The following LOXL2 variants were observed in gnomAD, a reference collection of about 807,000 sequenced individuals.
LOXL2 encodes lysyl oxidase homolog 2.
LOXL2 carries 70 observed loss-of-function variants against 93.0 expected under a neutral mutation model. The ratio of observed to expected loss-of-function variants is 0.75; its 90% CI spans 0.62 to 0.92. The LOEUF (loss-of-function observed/expected upper bound fraction) is 0.92. Ranked by LOEUF, LOXL2 falls within the 40% of genes least tolerant of loss-of-function variation. LOXL2 has a pLI of 0.00. For missense variants in LOXL2, 973 were observed against 1,054.9 expected (o/e 0.92, Z 1.08); for synonymous variants, 438 against 413.2 (o/e 1.06, Z -0.73).
intron 3 of LOXL2, among the ~76,000 whole-genome samples, chr8:23,348,933 C>A (rs1480307610): frequency 2.0e-5 from 3 of 152,202 alleles, no homozygotes; most frequent in African/African-American, 7.2e-5. Context: ...CAGATACAGA[C>A]CCATGTCCCA....
At chr8:23,313,091 A>T (rs1177560534) in intron 9 of LOXL2, among the ~76,000 whole-genome samples, 6 of 151,810 alleles carry the variant, frequency 4.0e-5, no homozygotes, top group Non-Finnish European at 8.8e-5. Context: ...TCCAACTTAC[A>T]AGGGATGTGA....
chr8:23,330,859 C>T (rs1452643167), intron 5 of LOXL2, among the ~76,000 whole-genome samples: 1 of 152,022 alleles, frequency 6.6e-6, no homozygotes, highest in African/African-American at 2.4e-5. Flanking sequence ...TGGCGCTGTC[C>T]AGGCGTGTCC....
At chr8:23,346,407 G>A (rs1022088006) in intron 3 of LOXL2, among the ~76,000 whole-genome samples, 22 of 152,054 alleles carry the variant, frequency 1.4e-4, no homozygotes, top group Non-Finnish European at 3.1e-4. Flanking sequence ...CACATCCTCT[G>A]GCAGGGCCTG....
At chr8:23,311,550 G>A (rs1199715275) in intron 9 of LOXL2, among the ~76,000 whole-genome samples, 1 of 152,192 alleles carries the variant, frequency 6.6e-6, no homozygotes, top group Non-Finnish European at 1.5e-5. Context: ...CTCGCAAGGC[G>A]AGGGATCGTT....
intron 3 of LOXL2, among the ~76,000 whole-genome samples, chr8:23,350,683 G>A (rs1804077361): frequency 6.6e-6 from 1 of 152,178 alleles, no homozygotes; most frequent in African/African-American, 2.4e-5. Context: ...GGCAATAGAG[G>A]CCAGTGGAGG....
chr8:23,318,412 C>T (rs1306479020), intron 8 of LOXL2, among the ~76,000 whole-genome samples: 1 of 141,438 alleles, frequency 7.1e-6, no homozygotes, highest in African/African-American at 2.6e-5. Context: ...TTCATACATC[C>T]TATTGGTTGA....
intron 1 of LOXL2, among the ~76,000 whole-genome samples, chr8:23,392,694 T>C (rs1251887428): frequency 6.6e-6 from 1 of 152,170 alleles, no homozygotes; most frequent in East Asian, 1.9e-4. Flanking sequence ...GCACATGTGG[T>C]TCCAACTGCT....
intron 2 of LOXL2, among the ~76,000 whole-genome samples, chr8:23,367,285 G>C (rs577156745): frequency 2.8e-4 from 43 of 152,286 alleles, no homozygotes; most frequent in African/African-American, 9.1e-4. Context: ...CTGACCTCAA[G>C]TGATCATCCC....
chr8:23,325,668 C>T (rs1803566409), intron 6 of LOXL2, among the ~76,000 whole-genome samples: 1 of 152,232 alleles, frequency 6.6e-6, no homozygotes, highest in Non-Finnish European at 1.5e-5. Context: ...TCAACTGGAA[C>T]ACATTCATTC....
chr8:23,389,914 G>A (rs1804815148), intron 1 of LOXL2, among the ~76,000 whole-genome samples: 1 of 152,172 alleles, frequency 6.6e-6, no homozygotes, highest in Non-Finnish European at 1.5e-5. Context: ...CGGATTTGAA[G>A]CATCTCATAA....
intron 3 of LOXL2, among the ~76,000 whole-genome samples, chr8:23,355,941 A>G (rs952584029): frequency 6.6e-6 from 1 of 151,292 alleles, no homozygotes; most frequent in African/African-American, 2.4e-5. Flanking sequence ...TTTTTCAGTT[A>G]CTCTCCCTAA....
chr8:23,315,630 C>T (rs1803382222), intron 9 of LOXL2, among the ~76,000 whole-genome samples: 1 of 152,136 alleles, frequency 6.6e-6, no homozygotes, highest in Non-Finnish European at 1.5e-5. Flanking sequence ...CTCACAGGTA[C>T]TGTTAGTTAT....
At chr8:23,364,405 T>G (rs997211721) in intron 2 of LOXL2, 12 of 152,222 alleles carry the variant, frequency 7.9e-5, no homozygotes, top group African/African-American at 2.4e-4. Context: ...TACTCTTTGC[T>G]TCCAATGCCT....
Position 23,328,186 on chromosome 8 carries a change from T to C in LOXL2, c.1150+196A>G, listed in dbSNP as rs930171144. Among the ~76,000 whole-genome samples, 7 of 152,148 alleles carry C rather than the reference T, an allele frequency of 4.6e-5. No homozygotes were observed. The South Asian group carries it at 1.2e-3, about 27-fold the overall frequency. On this transcript the variant is annotated intron_variant, in intron 6 of 13. Coordinates refer to ENST00000389131, the MANE Select transcript of LOXL2 (RefSeq NM_002318.3). ...TTTTGGGCCTCTGCTTCCAAATCTA[T>C]AAAATAGGGTCTCAGTGTTCTCTAA...
intron 3 of LOXL2, among the ~76,000 whole-genome samples, chr8:23,346,083 T>TAA (rs1554479795): frequency 1.4e-4 from 10 of 73,984 alleles, no homozygotes; most frequent in African/African-American, 5.3e-4. Flanking sequence ...TAAAATAAAA[T>TAA]AATAAAATAA....
intron 1 of LOXL2, among the ~76,000 whole-genome samples, chr8:23,384,863 G>A (rs1201410312): frequency 6.6e-6 from 1 of 152,008 alleles, no homozygotes; most frequent in Non-Finnish European, 1.5e-5. Context: ...GCAGTGAGCC[G>A]AGATTACACC....
intron 1 of LOXL2, among the ~76,000 whole-genome samples, chr8:23,373,759 G>T (rs559632606): frequency 6.6e-6 from 1 of 152,144 alleles, no homozygotes; most frequent in South Asian, 2.1e-4. Context: ...GACGGTAAAT[G>T]CAAGCCAGGA....
chr8:23,298,125 G>A lies in LOXL2; in HGVS notation c.2246-3C>T. The A allele has an allele frequency of 2.5e-6, 4 of 1,611,776 alleles. No individual in the cohort carries two copies. The highest frequency in any genetic ancestry group is 1.3e-5 in the African/African-American group (1 of 75,006). Reference sequence around the variant, plus strand: ...CGTCTCTTCGCTGAAGGAACCACCTGAAGAGCGAGAATCGGGTAGAGAGAG... The same window carrying A: ...CGTCTCTTCGCTGAAGGAACCACCTAAAGAGCGAGAATCGGGTAGAGAGAG... On this transcript the variant is annotated splice_region_variant and splice_polypyrimidine_tract_variant and intron_variant, in intron 13 of 13. Coordinates refer to ENST00000389131, the MANE Select transcript of LOXL2 (RefSeq NM_002318.3).
At chr8:23,376,754 T>C (rs903193662) in intron 1 of LOXL2, among the ~76,000 whole-genome samples, 2 of 152,224 alleles carry the variant, frequency 1.3e-5, no homozygotes, top group African/African-American at 4.8e-5. Flanking sequence ...TCTCTGATGG[T>C]TGTTTGTATT....
Sources: allele counts gnomAD v4.1 joint callset (sites outside exome capture counted in the v4.1 genomes callset), GRCh38; gene constraint gnomAD v4.1.1; transcripts MANE v1.5; gene names NCBI Gene and HGNC (gene_info 2026-07-23, HGNC 2026-07-21).